Variants in PPFIBP1 observed in about 807,000 individuals in gnomAD.
PPFIBP1 encodes PPFIB scaffold protein 1.
In PPFIBP1, 112 loss-of-function variants were observed where a neutral mutation model predicts 137.8. That is an observed-to-expected ratio of 0.81 (90% confidence interval 0.70 to 0.95). PPFIBP1 has a LOEUF of 0.95. Among genes scored for constraint, PPFIBP1 ranks in the 40% least tolerant of loss-of-function variants. PPFIBP1 has a pLI of 0.00. For missense variants in PPFIBP1, 1,083 were observed against 1,196.6 expected, an observed-to-expected ratio of 0.91 and a Z score of 1.40; for synonymous variants, 378 against 417.3, an observed-to-expected ratio of 0.91 and a Z score of 1.15.
intron 7 of PPFIBP1, among the ~76,000 whole-genome samples, chr12:27,650,963 T>C (rs1182300476): frequency 6.6e-6 from 1 of 152,202 alleles, no homozygotes; most frequent in Non-Finnish European, 1.5e-5. Flanking sequence ...GGTTGGAGTA[T>C]GGAAGGGTGT....
At chr12:27,556,990 T>C (rs1279994045) in intron 1 of PPFIBP1, among the ~76,000 whole-genome samples, 1 of 152,114 alleles carries the variant, frequency 6.6e-6, no homozygotes, top group East Asian at 1.9e-4. Flanking sequence ...AAATAGGTCT[T>C]ACTGATATGT....
intron 9 of PPFIBP1, chr12:27,656,946 A>G (rs2059238034): frequency 2.3e-6 from 1 of 429,692 alleles, no homozygotes; most frequent in Non-Finnish European, 4.3e-6. Context: ...GGAATTCTGT[A>G]CTTTATTTGG....
intron 2 of PPFIBP1, among the ~76,000 whole-genome samples, chr12:27,613,996 G>A (rs980010013): frequency 6.6e-6 from 1 of 152,102 alleles, no homozygotes; most frequent in African/African-American, 2.4e-5. Flanking sequence ...GCTACTCTAG[G>A]ACTAATCTCT....
intron 2 of PPFIBP1, among the ~76,000 whole-genome samples, chr12:27,629,889 G>A (rs1284322987): frequency 1.2e-4 from 18 of 152,096 alleles, no homozygotes; most frequent in Admixed American, 1.2e-3. Flanking sequence ...CAGGTTGTGT[G>A]TTTCTTACTC....
At chr12:27,624,686 G>A (rs1040042628) in intron 2 of PPFIBP1, among the ~76,000 whole-genome samples, 1 of 152,140 alleles carries the variant, frequency 6.6e-6, no homozygotes, top group Non-Finnish European at 1.5e-5. Context: ...TCATTAATAC[G>A]CCCTCTTTTG....
chr12:27,665,377 G>C (rs1471377295), intron 12 of PPFIBP1, among the ~76,000 whole-genome samples: 2 of 152,096 alleles, frequency 1.3e-5, no homozygotes, highest in Non-Finnish European at 2.9e-5. Context: ...GGAGAGTGAA[G>C]AAGGGGGAGG....
At chr12:27,691,996 A>G (rs1301576201) in intron 28 of PPFIBP1, 68 bp downstream of exon 28, 8 of 1,325,312 alleles carry the variant, frequency 6.0e-6, no homozygotes, top group South Asian at 1.5e-5. Context: ...GGAACTTTGT[A>G]TACTGTGTCT....
intron 1 of PPFIBP1, among the ~76,000 whole-genome samples, chr12:27,576,147 A>AT (rs2136811074): frequency 6.6e-6 from 1 of 152,100 alleles, no homozygotes; most frequent in African/African-American, 2.4e-5. Context: ...TCTCTGCCCC[A>AT]TCCCCCACCG....
At chr12:27,623,911 G>T (rs1186476018) in intron 2 of PPFIBP1, among the ~76,000 whole-genome samples, 1 of 152,108 alleles carries the variant, frequency 6.6e-6, no homozygotes, top group Non-Finnish European at 1.5e-5. Flanking sequence ...CACACTAGAA[G>T]ATGCGGAGCA....
intron 19 of PPFIBP1, among the ~76,000 whole-genome samples, chr12:27,678,856 CAAAAAAAAAAAA>C (rs60834907): frequency 3.0e-5 from 3 of 98,970 alleles, no homozygotes; most frequent in Admixed American, 1.4e-4. Flanking sequence ...GACTCTGTCT[CAAAAAAAAAAAA>C]AAAAAAAAAA....
chr12:27,653,680 T>A (rs1376662934), intron 7 of PPFIBP1, among the ~76,000 whole-genome samples: 1 of 151,588 alleles, frequency 6.6e-6, no homozygotes, highest in Non-Finnish European at 1.5e-5. Flanking sequence ...AAATAAGTCA[T>A]CTCCCATGCA....
intron 2 of PPFIBP1, among the ~76,000 whole-genome samples, chr12:27,627,191 A>G (rs190083212): frequency 1.2e-4 from 19 of 152,306 alleles, no homozygotes; most frequent in African/African-American, 4.3e-4. Context: ...AGCAAATATG[A>G]TGTCTCTGTT....
intron 8 of PPFIBP1, chr12:27,655,206 C>A: frequency 3.9e-6 from 6 of 1,535,130 alleles, no homozygotes; most frequent in Non-Finnish European, 5.2e-6. Context: ...TGAAAAGCAG[C>A]GGATGGAACA....
chr12:27,664,975 G>A (rs2059774414), intron 12 of PPFIBP1, among the ~76,000 whole-genome samples: 1 of 152,178 alleles, frequency 6.6e-6, no homozygotes, highest in African/African-American at 2.4e-5. Flanking sequence ...ATCACCCAAG[G>A]TCAGGAGTTA....
intron 2 of PPFIBP1, among the ~76,000 whole-genome samples, chr12:27,611,045 A>G (rs569738148): frequency 1.3e-5 from 2 of 152,240 alleles, no homozygotes; most frequent in African/African-American, 2.4e-5. Context: ...CTCAGCAGGA[A>G]CAGAATTTGA....
chr12:27,661,345 T>C (rs190639655), intron 11 of PPFIBP1, among the ~76,000 whole-genome samples: 117 of 152,358 alleles, frequency 7.7e-4, no homozygotes, highest in African/African-American at 2.7e-3. Flanking sequence ...TTACTCATTA[T>C]TTCCTTTACA....
Position 27,693,032 on chromosome 12 carries a change from A to C in PPFIBP1, c.*150A>C. Reference sequence around the variant, plus strand: ...GAAGTTTAAACAGAAAGCAGGAGTAATGTGCCGATTCTGAAGTTGCCACAA... The same window carrying C: ...GAAGTTTAAACAGAAAGCAGGAGTACTGTGCCGATTCTGAAGTTGCCACAA... On this transcript the variant is annotated 3_prime_UTR_variant, in exon 30 of 30. Transcript: ENST00000228425. 1.5e-6 allele frequency: 2 copies of C among 1,292,738 alleles called. No homozygotes were observed. The highest frequency in any genetic ancestry group is 5.2e-5 in the East Asian group (2 of 38,220). The allele number at this position is 1,292,738 out of a possible 1,614,324, so 80.1% of individuals were successfully genotyped here.
intron 4 of PPFIBP1, among the ~76,000 whole-genome samples, chr12:27,639,634 C>T (rs375129107): frequency 3.3e-5 from 5 of 152,188 alleles, no homozygotes; most frequent in East Asian, 3.9e-4. Context: ...ATGGTAGTAA[C>T]GCCAAAGCAG....
intron 2 of PPFIBP1, among the ~76,000 whole-genome samples, chr12:27,591,443 G>C (rs375341155): frequency 4.6e-5 from 7 of 152,280 alleles, no homozygotes; most frequent in African/African-American, 1.7e-4. Flanking sequence ...GTTTCAGAGG[G>C]CAGAATGGAA....
Sources: gnomAD v4.1 joint callset for allele counts (sites outside exome capture counted in the v4.1 genomes callset) on GRCh38, gnomAD v4.1.1 for gene constraint, MANE v1.5 for transcripts, NCBI Gene and HGNC (gene_info 2026-07-23, HGNC 2026-07-21) for gene names.